The following YEATS2 variants were observed in gnomAD, a reference collection of about 807,000 sequenced individuals.
YEATS2 encodes YEATS domain-containing protein 2.
A neutral mutation model predicts 163.2 loss-of-function variants in YEATS2; 77 were observed. The ratio of observed to expected loss-of-function variants is 0.47; its 90% CI spans 0.39 to 0.57. The LOEUF is 0.57. Ranked by LOEUF, YEATS2 falls within the 20% of genes least tolerant of loss-of-function variation. YEATS2 has a pLI of 0.00. For synonymous variants in YEATS2, 631 were observed against 645.1 expected, an observed-to-expected ratio of 0.98 and a Z score of 0.33; for missense variants, 1,549 against 1,729.8, an observed-to-expected ratio of 0.90 and a Z score of 1.85.
intron 17 of YEATS2, among the ~76,000 whole-genome samples, chr3:183,775,274 T>A (rs1722845957): frequency 6.6e-6 from 1 of 152,176 alleles, no homozygotes; most frequent in South Asian, 2.1e-4. Context: ...GGGAAGCACC[T>A]AGCTGAGCAC....
Position 183,811,286 on chromosome 3 carries a change from A to G in YEATS2, c.*703A>G, listed in dbSNP as rs1458370538. 1 of 152,734 alleles carries G rather than the reference A, an allele frequency of 6.5e-6. No individual in the cohort carries two copies. Among genetic ancestry groups the G allele is most frequent in the African/African-American group, 2.4e-5 (1 of 41,458 alleles). 9.5% of individuals were successfully genotyped at this position (152,734 alleles called of 1,614,324 possible). On this transcript the variant is annotated 3_prime_UTR_variant, in exon 31 of 31. Transcript: ENST00000305135. ...GGTTTGATTATAACCAAGAAAACTC[A>G]CTATGCTAGGAATAGACTGTGTGCA...
rs1373114440 is a variant in YEATS2 at position 183,697,834 on chromosome 3, C to T, written c.-179C>T. Reference sequence around the variant, plus strand: ...TGCTGACGTGCGGGGCGGAACGCGCCGGGCGGGCTCCACCGCGCCGTGTGC... The same window carrying T: ...TGCTGACGTGCGGGGCGGAACGCGCTGGGCGGGCTCCACCGCGCCGTGTGC... On this transcript the variant is annotated 5_prime_UTR_variant, in exon 1 of 31. Transcript: ENST00000305135. The T allele has an allele frequency of 4.0e-5, 6 of 150,314 alleles. No individual in the cohort carries two copies. The highest frequency in any genetic ancestry group is 3.9e-4 in the East Asian group (2 of 5,140). The allele number at this position is 150,314 out of a possible 1,614,324, so 9.3% of individuals were successfully genotyped here.
chr3:183,799,226 T>G (rs2108510579), intron 23 of YEATS2, among the ~76,000 whole-genome samples: 1 of 152,332 alleles, frequency 6.6e-6, no homozygotes, highest in Middle Eastern at 3.4e-3. Context: ...CCTTCAGTAA[T>G]TTATAATCAG....
At chr3:183,724,648 AGTT>A in intron 6 of YEATS2, 117 bp downstream of exon 6, 1 of 733,158 alleles carries the variant, frequency 1.4e-6, no homozygotes, top group Middle Eastern at 3.0e-4. Flanking sequence ...CCAAGCCCTT[AGTT>A]GTTTAAAAAG....
At position 183,790,947 on chromosome 3, in the gene YEATS2, C is replaced by T. The variant is rs755089993; in HGVS notation, c.3064C>T (p.Pro1022Ser). ...CAGCGCCACGTCCCTCGTGCCTACA[C>T]CAAACCCCATCTCTGGGAAAGCCAC... ...VVSATSLVPTPNPISGKATVS... is the reference protein window; with the variant it reads ...VVSATSLVPTSNPISGKATVS... The change falls in exon 21 of 31, where the codon CCA becomes TCA. Residue 1022 changes from proline to serine, a missense_variant. By Grantham distance (74) the Pro-to-Ser change is moderately conservative. Transcript: ENST00000305135. 1 of 1,614,176 alleles carries T rather than the reference C, an allele frequency of 6.2e-7. No homozygotes were observed. The highest frequency in any genetic ancestry group is 2.2e-5 in the East Asian group (1 of 44,890).
chr3:183,808,276 A>T (rs1726430997), intron 29 of YEATS2, 172 bp downstream of exon 29: 1 of 593,910 alleles, frequency 1.7e-6, no homozygotes, highest in Non-Finnish European at 2.9e-6. Context: ...CTGATTTTTA[A>T]ATGGACTAAG....
At chr3:183,706,607 G>A (rs1371029855) in intron 1 of YEATS2, among the ~76,000 whole-genome samples, 4 of 152,086 alleles carry the variant, frequency 2.6e-5, no homozygotes, top group East Asian at 1.9e-4. Context: ...ACCTGAGATC[G>A]GGAGTTCGAG....
At chr3:183,806,563 G>A in intron 27 of YEATS2, 1 of 449,104 alleles carries the variant, frequency 2.2e-6, no homozygotes, top group South Asian at 2.0e-5. Context: ...AATCAGGTCA[G>A]TCCTTAATAC....
chr3:183,770,293 A>T (rs1722324886), intron 15 of YEATS2, among the ~76,000 whole-genome samples: 2 of 152,074 alleles, frequency 1.3e-5, no homozygotes, highest in Admixed American at 1.3e-4. Flanking sequence ...CTGAGGCAGG[A>T]GAATGGCATG....
intron 1 of YEATS2, among the ~76,000 whole-genome samples, chr3:183,701,525 T>C (rs1046057335): frequency 1.1e-4 from 16 of 152,298 alleles, no homozygotes; most frequent in African/African-American, 3.8e-4. Flanking sequence ...TAGGTGGGAC[T>C]ACAGGTACAC....
chr3:183,806,538 T>G, intron 27 of YEATS2: 1 of 436,418 alleles, frequency 2.3e-6, no homozygotes, highest in Non-Finnish European at 4.4e-6. Context: ...ATTTTCCAGA[T>G]TTGAGATGAG....
intron 19 of YEATS2, among the ~76,000 whole-genome samples, chr3:183,778,820 A>G (rs548180665): frequency 1.3e-5 from 2 of 152,210 alleles, no homozygotes; most frequent in African/African-American, 4.8e-5. Flanking sequence ...TTAACTGTTT[A>G]ATTGAATATA....
chr3:183,793,492 A>ACCCGTC, intron 21 of YEATS2: 2 of 963,754 alleles, frequency 2.1e-6, no homozygotes, highest in South Asian at 4.8e-5. Context: ...AATAATGAAT[A>ACCCGTC]CCTTGTCTGT....
Position 183,771,062 on chromosome 3 carries a change from C to T in YEATS2, c.1948-1243C>T, listed in dbSNP as rs116733404. On this transcript the variant is annotated intron_variant, in intron 15 of 30. Coordinates refer to ENST00000305135, the MANE Select transcript of YEATS2 (RefSeq NM_018023.5). Reference sequence around the variant, plus strand: ...ATTCCTAAAAACAATTCCTACTATACGGGGGTATGTGAATTTTCAGTTTTA... The same window carrying T: ...ATTCCTAAAAACAATTCCTACTATATGGGGGTATGTGAATTTTCAGTTTTA... Among the ~76,000 whole-genome samples, 958 of 152,270 alleles carry T rather than the reference C, an allele frequency of 6.3e-3. 9 individuals carry two copies. Among genetic ancestry groups the T allele is most frequent in the African/African-American group, 0.022 (907 of 41,548 alleles).
chr3:183,789,525 ATTTTTT>A lies in YEATS2; in HGVS notation c.2914-1249_2914-1244del, dbSNP rs143473253. ...TTAGGTTTCAGATTCATTCGAGTTAATTTTTTTTTTTTTTTTTTTTTTTTTTTTGAG... is the reference window on the plus strand; with the variant it reads ...TTAGGTTTCAGATTCATTCGAGTTAATTTTTTTTTTTTTTTTTTTTTTGAG... On this transcript the variant is annotated intron_variant, in intron 20 of 30. Coordinates refer to ENST00000305135, the MANE Select transcript of YEATS2 (RefSeq NM_018023.5). Among the ~76,000 whole-genome samples, 49 of 66,350 alleles carry A rather than the reference ATTTTTT, an allele frequency of 7.4e-4. 1 individual carries two copies. The highest frequency in any genetic ancestry group is 2.0e-3 in the East Asian group (3 of 1,514). The allele number at this position is 66,350 out of a possible 152,430, so 43.5% of individuals were successfully genotyped here.
In YEATS2 at chr3:183,716,214, G is replaced by C. The variant is rs571084057; in HGVS notation, c.100+952G>C. 2.2e-4 allele frequency among the ~76,000 whole-genome samples: 34 copies of C among 152,180 alleles called. No individual in the cohort carries two copies. The South Asian group carries it at 5.4e-3, about 24-fold the overall frequency. ...GACCTCGTGATCCACCCGCCTCGGC[G>C]TCCCAAAGTGCTGGGATTACAGACG... On this transcript the variant is annotated intron_variant, in intron 2 of 30. Coordinates refer to ENST00000305135, the MANE Select transcript of YEATS2 (RefSeq NM_018023.5).
At chr3:183,707,675 C>T (rs1354847616) in intron 1 of YEATS2, among the ~76,000 whole-genome samples, 2 of 146,084 alleles carry the variant, frequency 1.4e-5, no homozygotes, top group African/African-American at 5.3e-5. Flanking sequence ...CCCTTCCCCA[C>T]CTATTTTTTT....
intron 23 of YEATS2, 81 bp from the exon 24 acceptor site, chr3:183,800,383 CTG>C: frequency 2.0e-6 from 2 of 990,678 alleles, no homozygotes. Flanking sequence ...CTGAGCTTCA[CTG>C]TAAGAGCTTT....
intron 1 of YEATS2, among the ~76,000 whole-genome samples, chr3:183,707,774 C>T (rs190003130): frequency 1.3e-5 from 2 of 150,902 alleles, no homozygotes; most frequent in African/African-American, 2.4e-5. Context: ...ACCTCTGCCT[C>T]CCGGGTTCAA....
Sources: gnomAD v4.1 joint callset for allele counts (sites outside exome capture counted in the v4.1 genomes callset) on GRCh38, gnomAD v4.1.1 for gene constraint, MANE v1.5 for transcripts, NCBI Gene and HGNC (gene_info 2026-07-23, HGNC 2026-07-21) for gene names.